ASIC2: variants seen among roughly 807,000 people sequenced by gnomAD.
ASIC2 encodes the protein acid-sensing ion channel 2.
ASIC2 carries 25 observed loss-of-function variants against 57.3 expected under a neutral mutation model. The observed-to-expected ratio is 0.44, with a 90% CI of 0.32 to 0.61. ASIC2 has a LOEUF of 0.61. Ranked by LOEUF, ASIC2 falls within the 20% of genes least tolerant of loss-of-function variation. ASIC2 has a pLI of 0.06. For missense variants in ASIC2, 641 were observed against 738.1 expected (o/e 0.87, Z 1.52); for synonymous variants, 319 against 307.5 (o/e 1.04, Z -0.39).
intron 1 of ASIC2, among the ~76,000 whole-genome samples, chr17:34,122,325 G>A (rs1911647649): frequency 6.6e-6 from 1 of 152,112 alleles, no homozygotes; most frequent in Admixed American, 6.5e-5. Context: ...AGGGAGCGAG[G>A]GTCCAGCCCA....
chr17:33,380,682 C>T (rs1234788032), intron 1 of ASIC2, among the ~76,000 whole-genome samples: 2 of 152,240 alleles, frequency 1.3e-5, no homozygotes, highest in African/African-American at 4.8e-5. Context: ...TGTGAGGCTG[C>T]CTCCTTTGTC....
At chr17:33,452,589 T>A (rs1912290900) in intron 1 of ASIC2, among the ~76,000 whole-genome samples, 1 of 152,342 alleles carries the variant, frequency 6.6e-6, no homozygotes, top group South Asian at 2.1e-4. Flanking sequence ...CGACATAGTC[T>A]GACGACAGAA....
intron 1 of ASIC2, among the ~76,000 whole-genome samples, chr17:33,225,487 T>C (rs1907844730): frequency 6.6e-6 from 1 of 152,232 alleles, no homozygotes; most frequent in South Asian, 2.1e-4. Flanking sequence ...ATGTGAGTAA[T>C]TAACAATGCC....
intron 1 of ASIC2, chr17:34,038,279 A>G: frequency 2.5e-6 from 4 of 1,610,416 alleles, no homozygotes; most frequent in Non-Finnish European, 3.4e-6. Flanking sequence ...TTTCAGGTAG[A>G]AGTCCAGATC....
intron 1 of ASIC2, among the ~76,000 whole-genome samples, chr17:33,657,891 G>A (rs896847517): frequency 2.0e-5 from 3 of 152,084 alleles, no homozygotes; most frequent in Non-Finnish European, 4.4e-5. Context: ...ATAGGGAGGT[G>A]TGCTCAAGTT....
chr17:33,741,488 A>G (rs1436765218), intron 1 of ASIC2, among the ~76,000 whole-genome samples: 1 of 152,184 alleles, frequency 6.6e-6, no homozygotes, highest in Non-Finnish European at 1.5e-5. Context: ...TCCCTGCTGG[A>G]CTGCAGAAGT....
chr17:33,460,385 C>T (rs756276283), intron 1 of ASIC2, among the ~76,000 whole-genome samples: 13 of 152,080 alleles, frequency 8.5e-5, no homozygotes, highest in Non-Finnish European at 1.3e-4. Context: ...GGAATTAGTG[C>T]GGCCCTTTAT....
At chr17:33,236,160 G>A (rs1473268460) in intron 1 of ASIC2, among the ~76,000 whole-genome samples, 3 of 151,960 alleles carry the variant, frequency 2.0e-5, no homozygotes, top group Non-Finnish European at 4.4e-5. Context: ...GGTGATGGGT[G>A]CTAGAATGGG....
chr17:34,096,016 T>C (rs955716587), intron 1 of ASIC2, among the ~76,000 whole-genome samples: 5 of 152,238 alleles, frequency 3.3e-5, no homozygotes, highest in South Asian at 4.2e-4. Context: ...ATCAAATAAA[T>C]TGAAAATACA....
intron 7 of ASIC2, 57 bp downstream of exon 7, chr17:33,021,162 T>TCCC: frequency 1.4e-6 from 1 of 694,010 alleles, no homozygotes. Flanking sequence ...CTGTGCATCC[T>TCCC]CCCTCCCTCC....
intron 1 of ASIC2, among the ~76,000 whole-genome samples, chr17:34,025,365 C>A (rs1042221407): frequency 2.0e-5 from 3 of 152,126 alleles, no homozygotes; most frequent in African/African-American, 4.8e-5. Flanking sequence ...GTCAGAGATA[C>A]CCCTATACCT....
chr17:33,255,399 A>G (rs1909030532), intron 1 of ASIC2, among the ~76,000 whole-genome samples: 1 of 151,914 alleles, frequency 6.6e-6, no homozygotes, highest in African/African-American at 2.4e-5. Flanking sequence ...AAAAAAAGAG[A>G]GTGGTTAGAT....
intron 1 of ASIC2, among the ~76,000 whole-genome samples, chr17:33,710,154 C>T (rs1908983161): frequency 6.6e-6 from 1 of 152,222 alleles, no homozygotes; most frequent in South Asian, 2.1e-4. Flanking sequence ...CCTCTCTAAC[C>T]ACATTATGTC....
intron 1 of ASIC2, among the ~76,000 whole-genome samples, chr17:33,336,282 G>A (rs756273492): frequency 6.6e-6 from 1 of 152,106 alleles, no homozygotes; most frequent in African/African-American, 2.4e-5. Context: ...GCAGTGTCAA[G>A]CCACATTGGA....
At chr17:33,951,289 A>C (rs1904554176) in intron 1 of ASIC2, among the ~76,000 whole-genome samples, 1 of 152,156 alleles carries the variant, frequency 6.6e-6, no homozygotes, top group Admixed American at 6.5e-5. Context: ...CATTGTACAG[A>C]TGAAGAAAAT....
Position 33,746,976 on chromosome 17 carries a change from TAGA to T in ASIC2, c.555+408999_555+409001del, listed in dbSNP as rs1910286825. ...TGAGAAAATAAATCACAAGGGGAAT[TAGA>T]AGAAGACTTTGAGATGAATAAATAA... On this transcript the variant is annotated intron_variant, in intron 1 of 9. Transcript: ENST00000359872. Among the ~76,000 whole-genome samples the T allele has an allele frequency of 2.0e-5, 3 of 152,132 alleles. No individual in the cohort carries two copies. The South Asian group carries it at 6.2e-4, about 32-fold the overall frequency.
intron 1 of ASIC2, among the ~76,000 whole-genome samples, chr17:33,388,096 G>GCAAAAAAAA (rs1909755127): frequency 6.6e-6 from 1 of 151,474 alleles, no homozygotes; most frequent in Non-Finnish European, 1.5e-5. Flanking sequence ...ACAAAGCAAA[G>GCAAAAAAAA]CAAAACAAAA....
rs528025275 is a variant in ASIC2 at position 33,382,857 on chromosome 17, T to C, written c.556-270790A>G. ...ATGAGGACAAATAAATTTTCTAGCC[T>C]TGTTTTCTACTTACCCCATACTCCC... On this transcript the variant is annotated intron_variant, in intron 1 of 9. Coordinates refer to the ASIC2 transcript ENST00000359872. 3.3e-5 allele frequency among the ~76,000 whole-genome samples: 5 copies of C among 152,294 alleles called. 1 individual carries two copies. In the South Asian group the frequency reaches 1.0e-3, roughly 32 times the overall value.
intron 1 of ASIC2, among the ~76,000 whole-genome samples, chr17:33,177,992 A>T (rs1397489652): frequency 6.6e-6 from 1 of 152,176 alleles, no homozygotes; most frequent in Admixed American, 6.5e-5. Flanking sequence ...GCGTGCACAT[A>T]CATACACACA....
Sources: gnomAD v4.1 joint callset for allele counts (sites outside exome capture counted in the v4.1 genomes callset) on GRCh38, gnomAD v4.1.1 for gene constraint, MANE v1.5 for transcripts, NCBI Gene and HGNC (gene_info 2026-07-23, HGNC 2026-07-21) for gene names.